The following SCEL variants were observed in gnomAD, a reference collection of about 807,000 sequenced individuals.
The protein encoded by SCEL is sciellin.
A neutral mutation model predicts 117.6 loss-of-function variants in SCEL; 113 were observed. That is an observed-to-expected ratio of 0.96 (90% confidence interval 0.83 to 1.12). The LOEUF (loss-of-function observed/expected upper bound fraction) is 1.12. Ranked by LOEUF, SCEL falls within the 50% of genes most tolerant of loss-of-function variation. SCEL has a pLI of 0.00. For synonymous variants in SCEL, 270 were observed against 256.2 expected (o/e 1.05, Z -0.51); for missense variants, 785 against 810.8 (o/e 0.97, Z 0.39).
intron 9 of SCEL, among the ~76,000 whole-genome samples, 199 bp from the exon 10 acceptor site, chr13:77,588,943 CTT>C (rs1336135606): frequency 6.6e-6 from 1 of 152,160 alleles, no homozygotes; most frequent in Admixed American, 6.6e-5. Context: ...ATTAAATAAA[CTT>C]TAAAAATACA....
intron 29 of SCEL, among the ~76,000 whole-genome samples, chr13:77,634,732 A>C (rs2154406564): frequency 6.6e-6 from 1 of 152,332 alleles, no homozygotes; most frequent in African/African-American, 2.4e-5. Flanking sequence ...AATGTATATA[A>C]CTATATGGTT....
At chr13:77,577,276 T>C (rs2085999208) in intron 9 of SCEL, among the ~76,000 whole-genome samples, 1 of 152,068 alleles carries the variant, frequency 6.6e-6, no homozygotes, top group Non-Finnish European at 1.5e-5. Context: ...AGGAAAGAGA[T>C]TTAATTGACT....
rs758795298 is a variant in SCEL, at chr13:77,569,364, T to TA, written c.399-4dup. ...TGGGATTAATTGTTGTTCTTGTCAT[T>TA]AAACAGGCAACCTGGCGGTTCATTG... On this transcript the variant is annotated splice_polypyrimidine_tract_variant and splice_region_variant and intron_variant, in intron 7 of 32. Transcript: ENST00000349847. 1.9e-6 allele frequency: 3 copies of TA among 1,612,656 alleles called. No homozygotes were observed. The highest frequency in any genetic ancestry group is 2.2e-5 in the South Asian group (2 of 91,018).
At position 77,572,149 on chromosome 13, in the gene SCEL, C is replaced by G. The variant is rs778878279; in HGVS notation, c.505C>G (p.Pro169Ala). ...KRQSWFPPPP[P>A]GYNASSSTGT... is the part of the protein sequence containing the mutation. ...GCAGTCCTGGTTTCCACCGCCCCCT[C>G]CAGGTTACAATGCCTCCTCGAGCAC... The change falls in exon 9 of 33, where the codon CCA (proline) becomes GCA (alanine). Residue 169 changes from proline (P) to alanine (A), a missense_variant. Physicochemically the swap from Pro to Ala is conservative, Grantham distance 27. Coordinates refer to ENST00000349847, the MANE Select transcript of SCEL (RefSeq NM_144777.3). 2 of 1,612,950 alleles carry G rather than the reference C, an allele frequency of 1.2e-6. No homozygotes were observed. The highest frequency in any genetic ancestry group is 4.5e-5 in the East Asian group (2 of 44,804).
chr13:77,590,623 A>G (rs945219067), intron 10 of SCEL, among the ~76,000 whole-genome samples: 2 of 152,022 alleles, frequency 1.3e-5, no homozygotes, highest in Non-Finnish European at 2.9e-5. Flanking sequence ...GGAACTTACT[A>G]CTCAAATTTC....
rs143306883 is a variant in SCEL at position 77,638,171 on chromosome 13, T to A, written c.1838+977T>A. 7.4e-4 allele frequency among the ~76,000 whole-genome samples: 113 copies of A among 152,232 alleles called. 1 individual carries two copies. The highest frequency in any genetic ancestry group is 1.2e-3 in the Non-Finnish European group (79 of 68,010). On this transcript the variant is annotated intron_variant, in intron 30 of 32. Transcript: ENST00000349847. ...TAATGTGTACTCAGTAAATTTTTTT[T>A]AAAAAAACATGAACCTATGTTCCAT...
At chr13:77,569,534 G>A in intron 8 of SCEL, 83 bp downstream of exon 8, 1 of 1,024,668 alleles carries the variant, frequency 9.8e-7, no homozygotes, top group South Asian at 1.4e-5. Flanking sequence ...TTTTTGTGGG[G>A]ATCCAGCATC....
intron 9 of SCEL, among the ~76,000 whole-genome samples, chr13:77,586,067 C>G (rs1432800970): frequency 6.6e-6 from 1 of 152,162 alleles, no homozygotes; most frequent in Admixed American, 6.6e-5. Context: ...AGCTTCTCAT[C>G]TTTGTTGGAG....
chr13:77,561,368 G>A (rs1318048790), intron 4 of SCEL, among the ~76,000 whole-genome samples: 1 of 152,170 alleles, frequency 6.6e-6, no homozygotes, highest in African/African-American at 2.4e-5. Context: ...TCCTCATGGT[G>A]GCCAACATTG....
intron 1 of SCEL, among the ~76,000 whole-genome samples, chr13:77,544,198 GT>G (rs1274162694): frequency 2.0e-5 from 3 of 152,112 alleles, no homozygotes; most frequent in Non-Finnish European, 4.4e-5. Flanking sequence ...TGAAGTCCTT[GT>G]TTTTTTCTCT....
intron 8 of SCEL, among the ~76,000 whole-genome samples, chr13:77,570,845 C>T (rs1383194389): frequency 6.6e-6 from 1 of 151,894 alleles, no homozygotes; most frequent in Admixed American, 6.6e-5. Context: ...CTATCAGTTT[C>T]TTTTCTTTTT....
At chr13:77,568,238 T>C (rs983111574) in intron 6 of SCEL, 57 bp from the exon 7 acceptor site, 1 of 1,093,756 alleles carries the variant, frequency 9.1e-7, no homozygotes, top group Non-Finnish European at 1.4e-6. Flanking sequence ...TAATTCCAAA[T>C]AGATGCAAAT....
chr13:77,636,490 C>A (rs1489902712), intron 29 of SCEL, among the ~76,000 whole-genome samples: 1 of 152,108 alleles, frequency 6.6e-6, no homozygotes, highest in Non-Finnish European at 1.5e-5. Flanking sequence ...AATATATGCC[C>A]AGATAGCATA....
rs922045637 is a variant in SCEL, at chr13:77,602,782, C to T, written c.1037+69C>T. On this transcript the variant is annotated intron_variant, in intron 17 of 32. Transcript: ENST00000349847. ...CATATTAATTATGTGATATTGAGGG[C>T]ACCACATCTTTGTTTGGCTTCTCTC... 18 of 1,351,336 alleles carry T rather than the reference C, an allele frequency of 1.3e-5. No homozygotes were observed. In the East Asian group the frequency reaches 3.0e-4, roughly 23 times the overall value. The allele number at this position is 1,351,336 out of a possible 1,614,324, so 83.7% of individuals were successfully genotyped here.
intron 15 of SCEL, among the ~76,000 whole-genome samples, chr13:77,601,036 T>G (rs533375102): frequency 4.2e-4 from 64 of 151,920 alleles, no homozygotes; most frequent in Non-Finnish European, 7.2e-4. Context: ...TAATAACATA[T>G]GATTATAATG....
intron 9 of SCEL, among the ~76,000 whole-genome samples, chr13:77,579,655 G>C (rs2086156725): frequency 6.6e-6 from 1 of 152,172 alleles, no homozygotes; most frequent in Non-Finnish European, 1.5e-5. Flanking sequence ...ATCAAGGGAG[G>C]GTCCTTGGGA....
At chr13:77,558,995 C>G (rs1318581245) in intron 3 of SCEL, among the ~76,000 whole-genome samples, 1 of 152,054 alleles carries the variant, frequency 6.6e-6, no homozygotes, top group African/African-American at 2.4e-5. Context: ...CTGAAAGGGC[C>G]TGTACTTTCA....
intron 17 of SCEL, 110 bp downstream of exon 17, chr13:77,602,823 C>T (rs979491907): frequency 2.2e-6 from 2 of 890,158 alleles, no homozygotes; most frequent in African/African-American, 3.3e-5. Context: ...TGTCTAATCC[C>T]TGGTGCCCTG....
At chr13:77,588,815 C>T (rs150234768) in intron 9 of SCEL, among the ~76,000 whole-genome samples, 18 of 152,114 alleles carry the variant, frequency 1.2e-4, no homozygotes, top group Non-Finnish European at 2.5e-4. Context: ...AGTTCTCATG[C>T]ACTGCTGACC....
Sources: gnomAD v4.1 joint callset for allele counts (sites outside exome capture counted in the v4.1 genomes callset) on GRCh38, gnomAD v4.1.1 for gene constraint, MANE v1.5 for transcripts, NCBI Gene and HGNC (gene_info 2026-07-23, HGNC 2026-07-21) for gene names.